The following ZC3H4 variants were observed in gnomAD, a reference collection of about 807,000 sequenced individuals.
ZC3H4 encodes zinc finger CCCH-type containing 4.
In ZC3H4, 13 loss-of-function variants were observed where a neutral mutation model predicts 108.3. That is an observed-to-expected ratio of 0.12 (90% CI 0.08 to 0.19). The LOEUF (loss-of-function observed/expected upper bound fraction) is 0.19. Ranked by LOEUF, ZC3H4 falls within the 10% of genes least tolerant of loss-of-function variation. The probability of loss-of-function intolerance (pLI) is 1.00; values close to 1 mark genes in which losing one functional copy is unlikely to be tolerated. For synonymous variants in ZC3H4, 917 were observed against 749.6 expected, an observed-to-expected ratio of 1.22 and a Z score of -3.65; for missense variants, 1,734 against 1,838.8, an observed-to-expected ratio of 0.94 and a Z score of 1.04.
intron 2 of ZC3H4, among the ~76,000 whole-genome samples, chr19:47,098,888 C>A (rs1568563848): frequency 6.6e-6 from 1 of 152,192 alleles, no homozygotes; most frequent in Non-Finnish European, 1.5e-5. Flanking sequence ...TTTCTGCAGA[C>A]CAAGTAACTC....
chr19:47,088,550 A>G (rs1042433930), intron 5 of ZC3H4, among the ~76,000 whole-genome samples: 3 of 151,988 alleles, frequency 2.0e-5, no homozygotes, highest in Non-Finnish European at 4.4e-5. Context: ...CTGTCTCAAA[A>G]AAAAAAGAAA....
intron 2 of ZC3H4, chr19:47,112,083 C>A: frequency 9.9e-7 from 1 of 1,012,524 alleles, no homozygotes; most frequent in Non-Finnish European, 1.2e-6. Context: ...CCGCAGCACC[C>A]CCCACGGCGC....
intron 6 of ZC3H4, among the ~76,000 whole-genome samples, 186 bp from the exon 7 acceptor site, chr19:47,085,600 C>A (rs1315073122): frequency 5.9e-5 from 9 of 152,176 alleles, no homozygotes; most frequent in Non-Finnish European, 8.8e-5. Context: ...CTGTGAAGAC[C>A]TGACCCAATA....
At chr19:47,070,127 G>A (rs1467632676) in intron 13 of ZC3H4, among the ~76,000 whole-genome samples, 3 of 149,766 alleles carry the variant, frequency 2.0e-5, no homozygotes, top group South Asian at 2.1e-4. Flanking sequence ...TCGAATCACC[G>A]AAACGGAGGG....
Position 47,067,656 on chromosome 19 carries a change from G to A in ZC3H4, c.2612C>T (p.Thr871Ile), listed in dbSNP as rs775178394. The A allele has an allele frequency of 1.2e-6, 2 of 1,603,230 alleles. No homozygotes were observed. Among genetic ancestry groups the A allele is most frequent in the Non-Finnish European group, 8.5e-7 (1 of 1,176,880 alleles). ...DPRLSRDPRL[T>I]RHVEASGGSG... is the part of the protein sequence containing the mutation. ...CCCGCCAGAAGCCTCCACATGGCGG[G>A]TGAGTCTGGGGTCCCGGCTGAGGCG... The change falls in exon 15 of 15, where the codon ACC (threonine) becomes ATC (isoleucine). Residue 871 changes from threonine (T) to isoleucine (I), a missense_variant. Thr to Ile is a moderately conservative substitution (Grantham distance 89, BLOSUM62 -1). Transcript: ENST00000253048. The surrounding 1 kb of genome is among the most constrained non-coding windows in gnomAD (Gnocchi z 6.4).
chr19:47,085,341 C>G lies in ZC3H4; in HGVS notation c.944G>C (p.Arg315Pro), dbSNP rs1331436997. ...ACCTCGGCCTCGGCTGTCCTTGGAGCGGCGGTACTGGTTCAGCTCCTTGGA... is the reference window on the plus strand; with the variant it reads ...ACCTCGGCCTCGGCTGTCCTTGGAGGGGCGGTACTGGTTCAGCTCCTTGGA... ...EYSKELNQYR[R>P]SKDSRGRGLS... Residue 315 changes from arginine (R) to proline (P), a missense_variant, in exon 7 of 15, where the codon CGC becomes CCC. Around this residue, in one of 9 missense-constraint regions of ZC3H4, gnomAD observed 403 missense variants for 457.0 expected, o/e 0.88. Transcript: ENST00000253048. The G allele has an allele frequency of 2.1e-5, 33 of 1,601,102 alleles. No individual in the cohort carries two copies. The highest frequency in any genetic ancestry group is 2.6e-5 in the Non-Finnish European group (31 of 1,173,656).
At chr19:47,099,725 A>G (rs551277246) in intron 2 of ZC3H4, among the ~76,000 whole-genome samples, 1 of 151,962 alleles carries the variant, frequency 6.6e-6, no homozygotes, top group South Asian at 2.1e-4. Context: ...TCTTACAGAA[A>G]TGAAGCTTGG....
In ZC3H4 at chr19:47,072,855, T is replaced by C; in HGVS notation, c.1441-142A>G. On this transcript the variant is annotated intron_variant, in intron 11 of 14. Coordinates refer to ENST00000253048, the MANE Select transcript of ZC3H4 (RefSeq NM_015168.2). This position sits in a 1 kb window ranked among gnomAD's most constrained non-coding sequence, Gnocchi z 5.6. The stretch of plus-strand genomic sequence containing the variant: ...CTAAAGGCATAAAGACCACAATGGC[T>C]CTGTAACAAAAATCATCATCAGCCA... The C allele has an allele frequency of 1.1e-6, 1 of 946,064 alleles. No individual in the cohort carries two copies. The highest frequency in any genetic ancestry group is 1.5e-6 in the Non-Finnish European group (1 of 647,978). The allele number at this position is 946,064 out of a possible 1,614,324, so 58.6% of individuals were successfully genotyped here. A position where few individuals can be genotyped will look rare whatever the true frequency, so the allele number is the denominator to read the frequency against.
Position 47,084,439 on chromosome 19 carries a change from C to A in ZC3H4, c.1124G>T (p.Ser375Ile). The change falls in exon 9 of 15, where the codon AGC becomes ATC. Residue 375 changes from serine to isoleucine, a missense_variant. Physicochemically the swap from Ser to Ile is moderately radical, Grantham distance 142. Coordinates refer to ENST00000253048, the MANE Select transcript of ZC3H4 (RefSeq NM_015168.2). ...DEDMGDGGGG[S>I]YRSRDHDKPH... ...CTTGTCATGGTCACGACTCCGGTAG[C>A]TTCCACCACCACCGTCCTGCAATGG... is the stretch of plus-strand genomic sequence containing the variant. 1 of 1,614,206 alleles carries A rather than the reference C, an allele frequency of 6.2e-7. No homozygotes were observed. The highest frequency in any genetic ancestry group is 8.5e-7 in the Non-Finnish European group (1 of 1,180,044).
chr19:47,083,851 C>T (rs1334360470), intron 9 of ZC3H4, among the ~76,000 whole-genome samples: 2 of 152,118 alleles, frequency 1.3e-5, no homozygotes, highest in Non-Finnish European at 2.9e-5. Flanking sequence ...TAAGAAGCTG[C>T]CGGCTGAACT....
chr19:47,069,732 G>A (rs2057292532), intron 13 of ZC3H4, among the ~76,000 whole-genome samples: 1 of 152,194 alleles, frequency 6.6e-6, no homozygotes, highest in African/African-American at 2.4e-5. Flanking sequence ...TGGATGGATA[G>A]GAGTTGCACG....
intron 13 of ZC3H4, among the ~76,000 whole-genome samples, chr19:47,070,273 G>A (rs1264324412): frequency 6.6e-6 from 1 of 152,176 alleles, no homozygotes; most frequent in East Asian, 1.9e-4. Context: ...CTAGAAAAGT[G>A]CACTTGTAAC....
At chr19:47,087,276 T>TCACA (rs1009071406) in intron 5 of ZC3H4, among the ~76,000 whole-genome samples, 1 of 143,178 alleles carries the variant, frequency 7.0e-6, no homozygotes. Flanking sequence ...ACCCCGTCTC[T>TCACA]CACACACACA....
At position 47,067,967 on chromosome 19, in the gene ZC3H4, T is replaced by C. The variant is rs1343785767; in HGVS notation, c.2399-98A>G. On this transcript the variant is annotated intron_variant, in intron 14 of 14. Coordinates refer to ENST00000253048, the MANE Select transcript of ZC3H4 (RefSeq NM_015168.2). This position sits in a 1 kb window ranked among gnomAD's most constrained non-coding sequence, Gnocchi z 6.4. ...GCCCACCGTGAGCAGCTCCTTTGCT[T>C]GTGCCTCTCAGAACCTCAGGTCCTC... is the stretch of plus-strand genomic sequence containing the variant. 8.1e-7 allele frequency: 1 copy of C among 1,231,206 alleles called. No homozygotes were observed. Among genetic ancestry groups the C allele is most frequent in the East Asian group, 2.5e-5 (1 of 39,356 alleles). 76.3% of individuals were successfully genotyped at this position (1,231,206 alleles called of 1,614,324 possible).
intron 2 of ZC3H4, among the ~76,000 whole-genome samples, chr19:47,102,635 TA>T (rs2057917850): frequency 6.6e-6 from 1 of 151,926 alleles, no homozygotes; most frequent in Non-Finnish European, 1.5e-5. Context: ...GAGTAAAACC[TA>T]CCCAAACACA....
rs905178926 is a variant in ZC3H4, at chr19:47,071,944, A to C, written c.1980T>G (p.Pro660=). 6.2e-7 allele frequency: 1 copy of C among 1,613,032 alleles called. No individual in the cohort carries two copies. The highest frequency in any genetic ancestry group is 8.5e-7 in the Non-Finnish European group (1 of 1,179,602). The change falls in exon 13 of 15, where the codon CCT becomes CCG. Residue 660 remains proline, a synonymous_variant. Coordinates refer to ENST00000253048, the MANE Select transcript of ZC3H4 (RefSeq NM_015168.2). Reference sequence around the variant, plus strand: ...GGCCGCCAGGGCCCATGGGTGGGCCAGGATTCATGCCAGGGCCCATCGGCA... The same window carrying C: ...GGCCGCCAGGGCCCATGGGTGGGCCCGGATTCATGCCAGGGCCCATCGGCA... The part of the protein sequence containing the change: ...ADMPMGPGMN[P]GPPMGPGGPP...
In ZC3H4 at chr19:47,064,863, T is replaced by A. The variant is rs2057173660; in HGVS notation, c.*1493A>T. The A allele has an allele frequency of 6.6e-6, 1 of 151,710 alleles. No individual in the cohort carries two copies. The highest frequency in any genetic ancestry group is 2.4e-5 in the African/African-American group (1 of 41,254). The allele number at this position is 151,710 out of a possible 1,614,324, so 9.4% of individuals were successfully genotyped here. ...GTTTTTCATTTTTCTCTTTTTGGGG[T>A]GGGGTGGGATAGGAGCCTTGTTCAC... On this transcript the variant is annotated 3_prime_UTR_variant, in exon 15 of 15. Coordinates refer to ENST00000253048, the MANE Select transcript of ZC3H4 (RefSeq NM_015168.2).
At position 47,071,840 on chromosome 19, in the gene ZC3H4, T is replaced by C. The variant is rs770243206; in HGVS notation, c.2084A>G (p.Tyr695Cys). ...CTCCTGCTGCTGGTAGAAGTTTTCA[T>C]AGAAGTTCTGGGCTGGCGGGATAGG... ...MPPIPPAQNF[Y>C]ENFYQQQEGM... Residue 695 changes from tyrosine (Y) to cysteine (C), a missense_variant, in exon 13 of 15, where the codon TAT (tyrosine) becomes TGT (cysteine). Physicochemically the swap from Tyr to Cys is radical, Grantham distance 194. Transcript: ENST00000253048. The C allele has an allele frequency of 3.7e-6, 6 of 1,613,602 alleles. No homozygotes were observed. Among genetic ancestry groups the C allele is most frequent in the African/African-American group, 2.7e-5 (2 of 74,920 alleles).
rs1485853027 is a variant in ZC3H4 at position 47,071,954 on chromosome 19, C to A, written c.1970G>T (p.Gly657Val). 3 of 1,612,802 alleles carry A rather than the reference C, an allele frequency of 1.9e-6. No homozygotes were observed. The African/African-American group carries it at 4.0e-5, about 22-fold the overall frequency. Residue 657 changes from glycine to valine, a missense_variant, in exon 13 of 15, where the codon GGC becomes GTC. Physicochemically the swap from Gly to Val is moderately radical, Grantham distance 109. Transcript: ENST00000253048. ...GCCCATGGGTGGGCCAGGATTCATG[C>A]CAGGGCCCATCGGCATGTCTGCGTG... ...DMHADMPMGP[G>V]MNPGPPMGPG...
Sources: gnomAD v4.1 joint callset for allele counts (sites outside exome capture counted in the v4.1 genomes callset) on GRCh38, gnomAD v4.1.1 for gene constraint, gnomAD v4.1.1 regional missense constraint, Gnocchi (gnomAD v3.1) non-coding constraint, MANE v1.5 for transcripts, NCBI Gene and HGNC (gene_info 2026-07-23, HGNC 2026-07-21) for gene names.